Variants in LEKR1 observed in about 807,000 individuals in gnomAD.
LEKR1 encodes leucine, glutamate and lysine rich 1.
In LEKR1, 59 loss-of-function variants were observed where a neutral mutation model predicts 72.4. The ratio of observed to expected loss-of-function variants is 0.82; its 90% CI spans 0.66 to 1.01. The LOEUF (loss-of-function observed/expected upper bound fraction) is 1.01, where lower values mean the gene tolerates loss of function less well. LEKR1 is among the 50% of genes least tolerant of loss of function. LEKR1 has a pLI of 0.00. For missense variants in LEKR1, 728 were observed against 759.2 expected, an observed-to-expected ratio of 0.96 and a Z score of 0.48; for synonymous variants, 257 against 263.2, an observed-to-expected ratio of 0.98 and a Z score of 0.23.
chr3:156,949,414 AG>A (rs2107974271), intron 6 of LEKR1, among the ~76,000 whole-genome samples: 1 of 151,774 alleles, frequency 6.6e-6, no homozygotes, highest in East Asian at 1.9e-4. Flanking sequence ...TTTACTGAAT[AG>A]GGAGTCTTTT....
intron 6 of LEKR1, among the ~76,000 whole-genome samples, chr3:156,961,565 T>A (rs532744687): frequency 6.6e-6 from 1 of 152,338 alleles, no homozygotes; most frequent in African/African-American, 2.4e-5. Context: ...CTTAGGATAA[T>A]GTTTGTGAGT....
At chr3:156,964,967 T>A (rs1049770720) in intron 6 of LEKR1, among the ~76,000 whole-genome samples, 4 of 152,164 alleles carry the variant, frequency 2.6e-5, no homozygotes, top group Non-Finnish European at 5.9e-5. Context: ...TCATTGTAGG[T>A]CCATGTCCCT....
At chr3:156,845,721 A>G (rs1330818968) in intron 2 of LEKR1, among the ~76,000 whole-genome samples, 1 of 151,998 alleles carries the variant, frequency 6.6e-6, no homozygotes, top group African/African-American at 2.4e-5. Flanking sequence ...TACAATCTTG[A>G]TTACTATAGC....
chr3:156,978,651 A>G (rs1003190907), intron 6 of LEKR1, among the ~76,000 whole-genome samples: 9 of 152,140 alleles, frequency 5.9e-5, no homozygotes, highest in African/African-American at 2.2e-4. Flanking sequence ...TAAAGACTCT[A>G]TGGAAGCCAG....
intron 3 of LEKR1, among the ~76,000 whole-genome samples, chr3:156,901,592 G>A (rs1263417259): frequency 6.6e-6 from 1 of 152,152 alleles, no homozygotes; most frequent in African/African-American, 2.4e-5. Context: ...ATAATCCAGA[G>A]GTGTTGCATA....
chr3:156,925,853 G>A (rs1342368380), intron 4 of LEKR1, among the ~76,000 whole-genome samples: 2 of 151,974 alleles, frequency 1.3e-5, no homozygotes. Flanking sequence ...TGGCTTAGGA[G>A]TATACCATTA....
At chr3:156,968,758 T>C (rs149278958) in intron 6 of LEKR1, among the ~76,000 whole-genome samples, 4,065 of 152,216 alleles carry the variant, frequency 0.027, 100 homozygotes, top group Non-Finnish European at 0.041. Flanking sequence ...AACTCAGCTC[T>C]TCACCAAGCA....
At chr3:156,928,921 C>A (rs1361387913) in intron 5 of LEKR1, among the ~76,000 whole-genome samples, 1 of 151,954 alleles carries the variant, frequency 6.6e-6, no homozygotes, top group East Asian at 1.9e-4. Context: ...TATAACATAA[C>A]ACCCACAATG....
intron 6 of LEKR1, among the ~76,000 whole-genome samples, chr3:156,975,777 C>G (rs1313031945): frequency 6.6e-6 from 1 of 152,160 alleles, no homozygotes; most frequent in Non-Finnish European, 1.5e-5. Context: ...ACAGTCACAT[C>G]ATAGTAGAAT....
chr3:156,959,176 A>G (rs1014503132), intron 6 of LEKR1, among the ~76,000 whole-genome samples: 2 of 152,196 alleles, frequency 1.3e-5, no homozygotes, highest in Non-Finnish European at 2.9e-5. Context: ...CATCAGGTTA[A>G]TATAATGGAC....
At chr3:156,836,323 C>T (rs568354079) in intron 2 of LEKR1, among the ~76,000 whole-genome samples, 71 of 151,930 alleles carry the variant, frequency 4.7e-4, no homozygotes, top group Non-Finnish European at 7.6e-4. Flanking sequence ...AAATGGGGCC[C>T]GTGGTACCTC....
intron 3 of LEKR1, chr3:156,888,487 G>T: frequency 1.5e-6 from 1 of 671,650 alleles, no homozygotes; most frequent in Non-Finnish European, 2.7e-6. Context: ...GATTTATTAT[G>T]ATACTAAGCC....
At chr3:156,905,311 T>A (rs1722425713) in intron 3 of LEKR1, among the ~76,000 whole-genome samples, 1 of 152,162 alleles carries the variant, frequency 6.6e-6, no homozygotes, top group South Asian at 2.1e-4. Context: ...TTATACAGGA[T>A]AATGACTCTT....
At chr3:156,995,983 C>A (rs931777660) in intron 9 of LEKR1, among the ~76,000 whole-genome samples, 1 of 152,106 alleles carries the variant, frequency 6.6e-6, no homozygotes, top group Admixed American at 6.5e-5. Flanking sequence ...CTGCCCAGAG[C>A]CTGCCACACA....
chr3:156,979,321 G>A (rs1465695375), intron 7 of LEKR1, 46 bp downstream of exon 7: 1 of 897,518 alleles, frequency 1.1e-6, no homozygotes, highest in Non-Finnish European at 1.6e-6. Flanking sequence ...CTCTGTAGAT[G>A]TGTTACAAAA....
chr3:157,045,373 T>G lies in LEKR1; in HGVS notation c.1702T>G (p.Cys568Gly). ...TFLQETVRRE[C>G]EERFELTEAL... ...TCTTCAGGAGACAGTGCGTAGAGAA[T>G]GTGAAGAACGCTTTGAACTGACAGA... is the stretch of plus-strand genomic sequence containing the variant. The change falls in exon 13 of 13, where the codon TGT (cysteine) becomes GGT (glycine). Residue 568 changes from cysteine (C) to glycine (G), a missense_variant. Cys to Gly is a radical substitution (Grantham distance 159). Transcript: ENST00000356539. The G allele has an allele frequency of 1.2e-6, 2 of 1,614,010 alleles. No homozygotes were observed. Among genetic ancestry groups the G allele is most frequent in the Non-Finnish European group, 1.7e-6 (2 of 1,179,912 alleles).
In LEKR1 at chr3:156,868,111, A is replaced by T. The variant is rs77575727; in HGVS notation, c.263+15129A>T. Reference sequence around the variant, plus strand: ...GTCTGCCATGAATTGCATCATTTATACTGGCTTTTAATATGCCTCCCGGCA... The same window carrying T: ...GTCTGCCATGAATTGCATCATTTATTCTGGCTTTTAATATGCCTCCCGGCA... On this transcript the variant is annotated intron_variant, in intron 3 of 12. Coordinates refer to ENST00000356539, the MANE Select transcript of LEKR1 (RefSeq NM_001004316.3). 3.3e-4 allele frequency among the ~76,000 whole-genome samples: 50 copies of T among 152,132 alleles called. No homozygotes were observed. In the East Asian group the frequency reaches 8.9e-3, roughly 27 times the overall value.
chr3:156,877,895 G>T (rs1049579396), intron 3 of LEKR1, among the ~76,000 whole-genome samples: 3 of 152,076 alleles, frequency 2.0e-5, no homozygotes, highest in Non-Finnish European at 2.9e-5. Flanking sequence ...TGATTCTCCT[G>T]CCTCAGCCTC....
At chr3:156,992,856 A>C (rs1464127494) in intron 8 of LEKR1, 126 bp downstream of exon 8, 1 of 353,662 alleles carries the variant, frequency 2.8e-6, no homozygotes, top group Non-Finnish European at 4.9e-6. Context: ...TAAAATACCT[A>C]ATTCAAGCTT....
Sources: allele counts gnomAD v4.1 joint callset (sites outside exome capture counted in the v4.1 genomes callset), GRCh38; gene constraint gnomAD v4.1.1; transcripts MANE v1.5; gene names NCBI Gene and HGNC (gene_info 2026-07-23, HGNC 2026-07-21).